The following MORC1 variants were observed in gnomAD, a reference collection of about 807,000 sequenced individuals.
The protein encoded by MORC1 is MORC family CW-type zinc finger protein 1.
A neutral mutation model predicts 134.9 loss-of-function variants in MORC1; 59 were observed. The observed-to-expected ratio is 0.44, with a 90% CI of 0.35 to 0.54. The LOEUF (loss-of-function observed/expected upper bound fraction) is 0.54. MORC1 is among the 20% of genes least tolerant of loss of function. The pLI is 0.00. For synonymous variants in MORC1, 395 were observed against 391.7 expected (o/e 1.01, Z -0.10); for missense variants, 947 against 1,134.5 (o/e 0.83, Z 2.37).
chr3:109,009,866 TTATACCTTTAA>T (rs1948642370), intron 17 of MORC1, among the ~76,000 whole-genome samples: 1 of 152,156 alleles, frequency 6.6e-6, no homozygotes, highest in African/African-American at 2.4e-5. Context: ...TGTGCCTGAT[TTATACCTTTAA>T]AAATGTGTTC....
At chr3:109,008,962 C>T (rs1005105014) in intron 17 of MORC1, among the ~76,000 whole-genome samples, 1 of 152,134 alleles carries the variant, frequency 6.6e-6, no homozygotes, top group Non-Finnish European at 1.5e-5. Flanking sequence ...TCACCCTTGA[C>T]TTTCCTTTTT....
chr3:108,966,924 C>T (rs1305103615), intron 26 of MORC1, among the ~76,000 whole-genome samples: 1 of 152,166 alleles, frequency 6.6e-6, no homozygotes, highest in Non-Finnish European at 1.5e-5. Flanking sequence ...TGCAGGACCA[C>T]CAATGCTATT....
intron 8 of MORC1, among the ~76,000 whole-genome samples, chr3:109,072,846 G>C (rs375227923): frequency 6.6e-6 from 1 of 151,976 alleles, no homozygotes; most frequent in Non-Finnish European, 1.5e-5. Context: ...TGTCAGAAGT[G>C]TCCATATCTC....
chr3:109,047,679 A>C (rs557276299), intron 14 of MORC1, among the ~76,000 whole-genome samples: 4 of 152,300 alleles, frequency 2.6e-5, no homozygotes, highest in Non-Finnish European at 5.9e-5. Flanking sequence ...CAAAATGTCT[A>C]TATCATATTT....
At chr3:108,966,955 A>G (rs374261614) in intron 26 of MORC1, among the ~76,000 whole-genome samples, 3 of 152,214 alleles carry the variant, frequency 2.0e-5, no homozygotes, top group East Asian at 1.9e-4. Context: ...TACTACTACA[A>G]TAGTAGTTAT....
At chr3:108,971,472 T>A in intron 24 of MORC1, 70 bp from the exon 25 acceptor site, 1 of 1,348,808 alleles carries the variant, frequency 7.4e-7, no homozygotes, top group African/African-American at 1.5e-5. Context: ...CTGTCAGAAC[T>A]GGGTTTGTCT....
intron 14 of MORC1, 62 bp from the exon 15 acceptor site, chr3:109,035,530 G>C: frequency 9.2e-7 from 1 of 1,082,988 alleles, no homozygotes; most frequent in Middle Eastern, 3.2e-4. Flanking sequence ...AAAACAATTG[G>C]CAAAGGGAAG....
intron 18 of MORC1, among the ~76,000 whole-genome samples, chr3:109,006,658 C>A (rs906363718): frequency 6.6e-6 from 1 of 152,004 alleles, no homozygotes; most frequent in Non-Finnish European, 1.5e-5. Flanking sequence ...CGTAACATGA[C>A]ATTTAGCAAA....
rs114334437 is a variant in MORC1, at chr3:109,097,968, T to C, written c.423+1390A>G. 5.4e-3 allele frequency among the ~76,000 whole-genome samples: 823 copies of C among 151,842 alleles called. 7 individuals are homozygous for C. Among genetic ancestry groups the C allele is most frequent in the African/African-American group, 0.017 (701 of 41,106 alleles). ...AAAAAGGTAGGTAAATCCTCTTTTA[T>C]AGTGGGAGGTTAATAGATAATGCCT... On this transcript the variant is annotated intron_variant, in intron 6 of 27. Transcript: ENST00000232603.
At chr3:109,029,783 A>T (rs960144705) in intron 16 of MORC1, among the ~76,000 whole-genome samples, 4 of 152,346 alleles carry the variant, frequency 2.6e-5, no homozygotes, top group Non-Finnish European at 4.4e-5. Context: ...TGTCCACTAA[A>T]AAGTATCTGA....
chr3:109,027,142 A>G (rs564630831), intron 17 of MORC1, among the ~76,000 whole-genome samples: 1 of 152,232 alleles, frequency 6.6e-6, no homozygotes, highest in South Asian at 2.1e-4. Flanking sequence ...CTTCACATTT[A>G]AAAAATGATG....
chr3:108,966,169 C>T (rs1361726170), intron 26 of MORC1, among the ~76,000 whole-genome samples: 1 of 152,068 alleles, frequency 6.6e-6, no homozygotes, highest in Non-Finnish European at 1.5e-5. Flanking sequence ...CTGGTTAAAC[C>T]CACTCTTGTA....
At chr3:108,979,238 A>C (rs991221726) in intron 24 of MORC1, among the ~76,000 whole-genome samples, 2 of 152,172 alleles carry the variant, frequency 1.3e-5, no homozygotes, top group Non-Finnish European at 2.9e-5. Context: ...TTGGGGAAAA[A>C]AGAAAGAAAA....
chr3:108,987,771 A>G (rs910940996), intron 21 of MORC1, among the ~76,000 whole-genome samples: 1 of 149,772 alleles, frequency 6.7e-6, no homozygotes, highest in African/African-American at 2.4e-5. Flanking sequence ...ACCTTAGATG[A>G]GAGAGAGAGA....
At chr3:109,065,012 A>G (rs559983760) in intron 9 of MORC1, among the ~76,000 whole-genome samples, 2 of 152,260 alleles carry the variant, frequency 1.3e-5, no homozygotes, top group East Asian at 3.9e-4. Context: ...TCCACTGGCA[A>G]GTCTTGCTGG....
chr3:109,112,466 T>C (rs576479686), intron 2 of MORC1, among the ~76,000 whole-genome samples: 1 of 152,348 alleles, frequency 6.6e-6, no homozygotes, highest in Admixed American at 6.5e-5. Flanking sequence ...GTCTGTTAAA[T>C]AGCTTCTTTT....
intron 21 of MORC1, among the ~76,000 whole-genome samples, chr3:108,994,842 T>A (rs1246501352): frequency 6.6e-6 from 1 of 152,168 alleles, no homozygotes; most frequent in Non-Finnish European, 1.5e-5. Flanking sequence ...CCATCTATTG[T>A]GGTCTGCCAA....
chr3:109,106,623 T>C (rs2107792469), intron 3 of MORC1, among the ~76,000 whole-genome samples: 1 of 152,304 alleles, frequency 6.6e-6, no homozygotes, highest in East Asian at 1.9e-4. Context: ...GCTTCAGCTG[T>C]GCAAGTCAAA....
At chr3:109,063,362 T>C (rs1194958037) in intron 9 of MORC1, 131 bp from the exon 10 acceptor site, 2 of 508,602 alleles carry the variant, frequency 3.9e-6, no homozygotes, top group African/African-American at 1.9e-5. Flanking sequence ...GTGAGTTGCA[T>C]CCAGCTGGTA....
Sources: gnomAD v4.1 joint callset for allele counts (sites outside exome capture counted in the v4.1 genomes callset) on GRCh38, gnomAD v4.1.1 for gene constraint, MANE v1.5 for transcripts, NCBI Gene and HGNC (gene_info 2026-07-23, HGNC 2026-07-21) for gene names.